The following METTL15 variants were observed in gnomAD, a reference collection of about 807,000 sequenced individuals.
METTL15 encodes the protein 12S rRNA N(4)-cytidine methyltransferase METTL15.
Under a neutral mutation model 38.3 loss-of-function variants are expected in METTL15, and 34 were observed. That is an observed-to-expected ratio of 0.89 (90% CI 0.68 to 1.18). The LOEUF is 1.18. METTL15 is among the 50% of genes most tolerant of loss of function. The probability of loss-of-function intolerance (pLI) is 0.00; values close to 1 mark genes in which losing one functional copy is unlikely to be tolerated. For missense variants in METTL15, 438 were observed against 498.4 expected (o/e 0.88, Z 1.15); for synonymous variants, 162 against 170.9 (o/e 0.95, Z 0.41).
intron 5 of METTL15, among the ~76,000 whole-genome samples, chr11:28,383,662 C>G (rs1221066749): frequency 1.3e-5 from 2 of 152,034 alleles, no homozygotes; most frequent in Non-Finnish European, 2.9e-5. Context: ...GCCATTCTGA[C>G]TAGTGTGAGA....
chr11:28,510,368 A>G (rs1851664413), intron 6 of METTL15, among the ~76,000 whole-genome samples: 1 of 152,230 alleles, frequency 6.6e-6, no homozygotes, highest in South Asian at 2.1e-4. Flanking sequence ...AAAGAGGAAA[A>G]TAGACCTTTA....
chr11:28,396,280 A>G (rs1054039313), intron 5 of METTL15, among the ~76,000 whole-genome samples: 19 of 152,172 alleles, frequency 1.2e-4, no homozygotes, highest in African/African-American at 3.6e-4. Flanking sequence ...AGCGTATTCA[A>G]TTAGGAAAAG....
intron 4 of METTL15, among the ~76,000 whole-genome samples, chr11:28,274,643 A>G (rs918232735): frequency 6.6e-5 from 10 of 152,026 alleles, no homozygotes; most frequent in African/African-American, 1.7e-4. Context: ...GTAATTTTGA[A>G]CTAATGTATG....
intron 3 of METTL15, among the ~76,000 whole-genome samples, chr11:28,130,635 G>C (rs187950029): frequency 6.6e-6 from 1 of 152,114 alleles, no homozygotes; most frequent in Non-Finnish European, 1.5e-5. Context: ...TGGATTTGAG[G>C]TGTACATATT....
chr11:28,524,022 G>A (rs531943348), intron 6 of METTL15, among the ~76,000 whole-genome samples: 99 of 152,290 alleles, frequency 6.5e-4, no homozygotes, highest in Middle Eastern at 3.4e-3. Context: ...CTGATCTAAC[G>A]TGTCAATGGT....
chr11:28,238,047 G>A (rs962286425), intron 4 of METTL15, among the ~76,000 whole-genome samples: 2 of 152,178 alleles, frequency 1.3e-5, no homozygotes, highest in African/African-American at 4.8e-5. Context: ...CTGCTCGGGG[G>A]TCAGGGGTCA....
At chr11:28,324,713 T>C (rs1849575332) in intron 6 of METTL15, among the ~76,000 whole-genome samples, 1 of 152,226 alleles carries the variant, frequency 6.6e-6, no homozygotes, top group Middle Eastern at 3.2e-3. Flanking sequence ...ATTGTGATGC[T>C]GCTCATTTAG....
intron 5 of METTL15, among the ~76,000 whole-genome samples, chr11:28,368,133 A>C (rs1488960552): frequency 2.7e-5 from 4 of 145,644 alleles, no homozygotes; most frequent in African/African-American, 1.0e-4. Flanking sequence ...CATAGCAAAA[A>C]AAAAAAAAAC....
chr11:28,198,691 A>C (rs1851996003), intron 3 of METTL15, among the ~76,000 whole-genome samples: 1 of 152,148 alleles, frequency 6.6e-6, no homozygotes, highest in Admixed American at 6.6e-5. Flanking sequence ...ACCGAGCTTC[A>C]CAAGACAATA....
chr11:28,380,570 T>C (rs1185030803), intron 5 of METTL15, among the ~76,000 whole-genome samples: 2 of 152,186 alleles, frequency 1.3e-5, no homozygotes, highest in Admixed American at 6.6e-5. Flanking sequence ...CTGTCTTCAT[T>C]TGTGGATAAG....
intron 6 of METTL15, among the ~76,000 whole-genome samples, chr11:28,472,366 T>A (rs957072501): frequency 6.6e-6 from 1 of 152,116 alleles, no homozygotes; most frequent in African/African-American, 2.4e-5. Context: ...CCAACATGAA[T>A]CCCTATCTTT....
chr11:28,324,502 C>T (rs934324380), intron 6 of METTL15, among the ~76,000 whole-genome samples: 2 of 152,116 alleles, frequency 1.3e-5, no homozygotes, highest in Non-Finnish European at 2.9e-5. Flanking sequence ...AGGATGTTCT[C>T]AATCATTATC....
chr11:28,290,804 GAA>G (rs201546971), intron 5 of METTL15, among the ~76,000 whole-genome samples: 22 of 136,398 alleles, frequency 1.6e-4, no homozygotes, highest in African/African-American at 5.4e-4. Flanking sequence ...TTAGCATACA[GAA>G]AAAAAAAAAA....
Position 28,130,247 on chromosome 11 carries a change from G to A in METTL15, c.270+16643G>A, listed in dbSNP as rs555985820. ...GATCACACGAGCCCTGGAGGTCAAGGCTGCAGTAAGCCGTGATCACACCAC... is the reference window on the plus strand; with the variant it reads ...GATCACACGAGCCCTGGAGGTCAAGACTGCAGTAAGCCGTGATCACACCAC... On this transcript the variant is annotated intron_variant, in intron 3 of 6. Coordinates refer to ENST00000407364, the MANE Select transcript of METTL15 (RefSeq NM_001113528.2). Among the ~76,000 whole-genome samples the A allele has an allele frequency of 9.2e-5, 14 of 152,182 alleles. No homozygotes were observed. In the South Asian group the frequency reaches 2.7e-3, roughly 29 times the overall value.
chr11:28,383,926 G>A (rs1037595940), intron 5 of METTL15, among the ~76,000 whole-genome samples: 9 of 152,060 alleles, frequency 5.9e-5, no homozygotes, highest in African/African-American at 2.2e-4. Context: ...ACTAAGCTTA[G>A]TACCCATTAG....
At chr11:28,203,789 G>T (rs1852204083) in intron 3 of METTL15, among the ~76,000 whole-genome samples, 1 of 151,972 alleles carries the variant, frequency 6.6e-6, no homozygotes, top group African/African-American at 2.4e-5. Context: ...CCTAAAATAA[G>T]AAAAGCTTGT....
intron 5 of METTL15, among the ~76,000 whole-genome samples, chr11:28,363,361 G>C (rs1850157165): frequency 6.6e-6 from 1 of 151,874 alleles, no homozygotes; most frequent in African/African-American, 2.4e-5. Context: ...CTTTAGTAGA[G>C]ACAGCATTTC....
chr11:28,477,942 T>C (rs937202498), intron 6 of METTL15, among the ~76,000 whole-genome samples: 13 of 152,218 alleles, frequency 8.5e-5, no homozygotes, highest in Non-Finnish European at 1.5e-4. Context: ...GATAATTGAT[T>C]CTATATAGAT....
At chr11:28,146,571 T>C (rs576859006) in intron 3 of METTL15, among the ~76,000 whole-genome samples, 108 of 152,148 alleles carry the variant, frequency 7.1e-4, no homozygotes, top group Middle Eastern at 6.8e-3. Flanking sequence ...TTTAGAATCC[T>C]GTAATGAACC....
Sources: gnomAD v4.1 joint callset for allele counts (sites outside exome capture counted in the v4.1 genomes callset) on GRCh38, gnomAD v4.1.1 for gene constraint, MANE v1.5 for transcripts, NCBI Gene and HGNC (gene_info 2026-07-23, HGNC 2026-07-21) for gene names.